HFM1: variants seen among roughly 807,000 people sequenced by gnomAD.
HFM1 encodes the protein helicase for meiosis 1.
Under a neutral mutation model 192.1 loss-of-function variants are expected in HFM1, and 169 were observed. The observed-to-expected ratio is 0.88, with a 90% confidence interval of 0.78 to 1.00. The LOEUF (loss-of-function observed/expected upper bound fraction) is 1.00, where lower values mean the gene tolerates loss of function less well. Among genes scored for constraint, HFM1 ranks in the 50% least tolerant of loss-of-function variants. The pLI, the probability that HFM1 is intolerant of heterozygous loss-of-function variation, is 0.00. For synonymous variants in HFM1, 525 were observed against 537.8 expected, an observed-to-expected ratio of 0.98 and a Z score of 0.33; for missense variants, 1,661 against 1,668.0, an observed-to-expected ratio of 1.00 and a Z score of 0.07.
intron 30 of HFM1, among the ~76,000 whole-genome samples, chr1:91,305,501 T>C (rs563130451): frequency 3.3e-5 from 5 of 152,316 alleles, no homozygotes; most frequent in South Asian, 4.1e-4. Context: ...AGCATGTCTA[T>C]AGAGTCTTTT....
chr1:91,327,761 T>C (rs1300449498), intron 20 of HFM1, among the ~76,000 whole-genome samples: 1 of 152,092 alleles, frequency 6.6e-6, no homozygotes, highest in South Asian at 2.1e-4. Flanking sequence ...TTTTAAAAAT[T>C]GAAATAATAT....
At chr1:91,394,605 A>G (rs1224680954) in intron 3 of HFM1, among the ~76,000 whole-genome samples, 2 of 152,090 alleles carry the variant, frequency 1.3e-5, no homozygotes, top group African/African-American at 4.8e-5. Flanking sequence ...TCATTAACAG[A>G]CACTCAGAAA....
At chr1:91,315,718 G>T in intron 28 of HFM1, 97 bp downstream of exon 28, 1 of 797,978 alleles carries the variant, frequency 1.3e-6, no homozygotes, top group Non-Finnish European at 1.9e-6. Context: ...TAATTTAGTT[G>T]ATCCCACAAT....
At chr1:91,286,896 G>C (rs1285104522) in intron 30 of HFM1, among the ~76,000 whole-genome samples, 2 of 152,220 alleles carry the variant, frequency 1.3e-5, no homozygotes, top group Non-Finnish European at 2.9e-5. Context: ...AGAAAGGGGT[G>C]ACAGACGGCA....
chr1:91,284,250 A>G (rs549387730), intron 30 of HFM1, among the ~76,000 whole-genome samples: 1 of 148,060 alleles, frequency 6.8e-6, no homozygotes, highest in Non-Finnish European at 1.5e-5. Context: ...TATTATTATT[A>G]TTTTTTTTTT....
chr1:91,335,200 A>G (rs1274381911), intron 20 of HFM1, among the ~76,000 whole-genome samples: 7 of 152,180 alleles, frequency 4.6e-5, no homozygotes, highest in African/African-American at 1.4e-4. Flanking sequence ...CTCAATTAGG[A>G]TCCTGGTGAA....
At chr1:91,267,195 T>C (rs1006069326) in intron 35 of HFM1, among the ~76,000 whole-genome samples, 1 of 152,124 alleles carries the variant, frequency 6.6e-6, no homozygotes, top group African/African-American at 2.4e-5. Context: ...ATAAGCCTCA[T>C]TATTTTGGGG....
chr1:91,379,376 G>A (rs183506279), intron 8 of HFM1, among the ~76,000 whole-genome samples, 162 bp from the exon 9 acceptor site: 1 of 152,092 alleles, frequency 6.6e-6, no homozygotes, highest in Non-Finnish European at 1.5e-5. Flanking sequence ...CAGCAGGGGT[G>A]TCCAGTCTTT....
At chr1:91,321,762 T>C (rs1168277642) in intron 23 of HFM1, among the ~76,000 whole-genome samples, 1 of 152,096 alleles carries the variant, frequency 6.6e-6, no homozygotes, top group Non-Finnish European at 1.5e-5. Context: ...ATAAAAACAA[T>C]TATAAAGTAT....
Position 91,277,938 on chromosome 1 carries a change from TTATA to T in HFM1, c.3392-880_3392-877del, listed in dbSNP as rs1404757988. Among the ~76,000 whole-genome samples, 952 of 136,410 alleles carry T rather than the reference TTATA, an allele frequency of 7.0e-3. 9 individuals are homozygous for T. The highest frequency in any genetic ancestry group is 9.7e-3 in the Non-Finnish European group (631 of 64,988). The allele number at this position is 136,410 out of a possible 152,430, so 89.5% of individuals were successfully genotyped here. ...TACACTAATATATAATATATATACTTTATATATTATATTTTATATATACTTTATA... is the reference window on the plus strand; with the variant it reads ...TACACTAATATATAATATATATACTTTATTATATTTTATATATACTTTATA... On this transcript the variant is annotated intron_variant, in intron 30 of 38. Coordinates refer to ENST00000370425, the MANE Select transcript of HFM1 (RefSeq NM_001017975.6).
chr1:91,295,086 C>T (rs1199008264), intron 30 of HFM1, among the ~76,000 whole-genome samples: 2 of 152,098 alleles, frequency 1.3e-5, no homozygotes, highest in Non-Finnish European at 2.9e-5. Flanking sequence ...ACAGCAATAT[C>T]TCATTGTAGA....
intron 30 of HFM1, among the ~76,000 whole-genome samples, chr1:91,309,010 G>A (rs981020828): frequency 3.3e-5 from 5 of 152,084 alleles, no homozygotes; most frequent in African/African-American, 1.2e-4. Context: ...TTGTAGCTGT[G>A]GAAGCACTGG....
intron 34 of HFM1, among the ~76,000 whole-genome samples, chr1:91,273,357 T>A (rs1666489687): frequency 6.6e-6 from 1 of 152,090 alleles, no homozygotes; most frequent in Admixed American, 6.6e-5. Context: ...ACTAGTTTTA[T>A]AAACATAAAA....
chr1:91,368,242 G>A (rs1659660679), intron 13 of HFM1, among the ~76,000 whole-genome samples: 1 of 152,110 alleles, frequency 6.6e-6, no homozygotes, highest in Non-Finnish European at 1.5e-5. Flanking sequence ...AGGAAATACA[G>A]AGAACGCCAC....
At chr1:91,357,046 A>T (rs1019190240) in intron 13 of HFM1, among the ~76,000 whole-genome samples, 13 of 152,186 alleles carry the variant, frequency 8.5e-5, no homozygotes, top group African/African-American at 2.9e-4. Context: ...ATTACCACCA[A>T]TACTTCATAA....
chr1:91,352,433 T>C, intron 16 of HFM1, 73 bp downstream of exon 16: 1 of 1,127,284 alleles, frequency 8.9e-7, no homozygotes, highest in Non-Finnish European at 1.3e-6. Flanking sequence ...TATGACATGC[T>C]AATCAAAAAA....
intron 30 of HFM1, among the ~76,000 whole-genome samples, chr1:91,304,497 G>A (rs529366592): frequency 3.0e-4 from 45 of 151,866 alleles, no homozygotes; most frequent in African/African-American, 8.7e-4. Context: ...ACAGAGTTTC[G>A]CTCTTGTTGC....
chr1:91,281,397 C>T (rs1054256456), intron 30 of HFM1, among the ~76,000 whole-genome samples: 1 of 152,174 alleles, frequency 6.6e-6, no homozygotes, highest in East Asian at 1.9e-4. Context: ...GGGAATACCT[C>T]ACCCATTTAT....
intron 25 of HFM1, among the ~76,000 whole-genome samples, chr1:91,317,977 A>G (rs1286937227): frequency 6.6e-6 from 1 of 152,158 alleles, no homozygotes; most frequent in Non-Finnish European, 1.5e-5. Flanking sequence ...ACAGAATGCA[A>G]TGGATGCCCA....
Sources: gnomAD v4.1 joint callset for allele counts (sites outside exome capture counted in the v4.1 genomes callset) on GRCh38, gnomAD v4.1.1 for gene constraint, MANE v1.5 for transcripts, NCBI Gene and HGNC (gene_info 2026-07-23, HGNC 2026-07-21) for gene names.